The following C9orf50 variants were observed in gnomAD, a reference collection of about 807,000 sequenced individuals.
C9orf50 encodes uncharacterized protein C9orf50.
Under a neutral mutation model 42.5 loss-of-function variants are expected in C9orf50, and 33 were observed. The ratio of observed to expected loss-of-function variants is 0.78; its 90% confidence interval spans 0.59 to 1.04. The LOEUF is 1.04. Ranked by LOEUF, C9orf50 falls within the 50% of genes least tolerant of loss-of-function variation. The pLI is 0.00. For missense variants in C9orf50, 547 were observed against 594.3 expected, an observed-to-expected ratio of 0.92 and a Z score of 0.83; for synonymous variants, 257 against 273.4, an observed-to-expected ratio of 0.94 and a Z score of 0.59.
In C9orf50 at chr9:129,620,013, CA is replaced by C; in HGVS notation, c.508+53del. ...TGGTGGGTGCGGGGACACAAGGGAC[CA>C]CCCCCCACCGGAAATGACTCGGGCC... On this transcript the variant is annotated intron_variant, in intron 1 of 6. Coordinates refer to ENST00000372478, the Ensembl canonical transcript of C9orf50. The surrounding 1 kb of genome is among the most constrained non-coding windows in gnomAD (Gnocchi z 5.8). 1 of 1,458,782 alleles carries C rather than the reference CA, an allele frequency of 6.9e-7. No individual in the cohort carries two copies. Among genetic ancestry groups the C allele is most frequent in the Admixed American group, 2.6e-5 (1 of 38,594 alleles). 90.4% of individuals were successfully genotyped at this position (1,458,782 alleles called of 1,614,324 possible). A position where few individuals can be genotyped will look rare whatever the true frequency, so the allele number is the denominator to read the frequency against.
chr9:129,619,461 A>G, intron 3 of C9orf50, 59 bp downstream of exon 3: 3 of 1,214,514 alleles, frequency 2.5e-6, no homozygotes, highest in East Asian at 2.3e-5. Context: ...GAGGAAAGAA[A>G]GAAGGAAAGA....
Position 129,613,574 on chromosome 9 carries a change from G to T in C9orf50, c.904C>A (p.Gln302Lys). 6.2e-7 allele frequency: 1 copy of T among 1,614,136 alleles called. No individual in the cohort carries two copies. Among genetic ancestry groups the T allele is most frequent in the Non-Finnish European group, 8.5e-7 (1 of 1,180,010 alleles). ...GACGCCACTGGCAGGGCGGCCTTCT[G>T]GTTCACAATGACGCTCTGTTGGACT... is the stretch of plus-strand genomic sequence containing the variant. Residue 302 changes from glutamine (Q) to lysine (K), a missense_variant, in exon 5 of 7, where the codon CAG becomes AAG. Physicochemically the swap from Gln to Lys is moderately conservative, Grantham distance 53. Transcript: ENST00000372478. The surrounding 1 kb of genome is among the most constrained non-coding windows in gnomAD (Gnocchi z 6.2).
At chr9:129,615,738 C>T in intron 3 of C9orf50, 91 bp from the exon 4 acceptor site, 1 of 1,373,816 alleles carries the variant, frequency 7.3e-7, no homozygotes, top group Non-Finnish European at 9.6e-7. Flanking sequence ...AGATCCTGGA[C>T]AAGTGCCCTA....
chr9:129,618,474 A>G (rs1448633573), intron 3 of C9orf50, among the ~76,000 whole-genome samples: 1 of 152,122 alleles, frequency 6.6e-6, no homozygotes, highest in Non-Finnish European at 1.5e-5. Flanking sequence ...GGGTCTGAAT[A>G]GAACTGAACT....
Position 129,613,342 on chromosome 9 carries a change from C to G in C9orf50, c.1044-91G>C, listed in dbSNP as rs555626272. The G allele has an allele frequency of 3.8e-6, 6 of 1,568,236 alleles. No individual in the cohort carries two copies. The East Asian group carries it at 1.1e-4, about 29-fold the overall frequency. Reference sequence around the variant, plus strand: ...GGCCCTTGAGGACCCACACTGGCAACCCGCCTGCTGCTGGGTGGGGAGGTC... The same window carrying G: ...GGCCCTTGAGGACCCACACTGGCAAGCCGCCTGCTGCTGGGTGGGGAGGTC... On this transcript the variant is annotated intron_variant, in intron 5 of 6. Coordinates refer to ENST00000372478, the Ensembl canonical transcript of C9orf50. This position sits in a 1 kb window ranked among gnomAD's most constrained non-coding sequence, Gnocchi z 6.2.
At chr9:129,615,497 C>G in exon 4 of C9orf50, 1 of 1,599,218 alleles carries the variant, frequency 6.3e-7, no homozygotes. Flanking sequence ...AGCGTCTGCG[C>G]TCCCAGTAGC....
Position 129,614,998 on chromosome 9 carries a change from G to A in C9orf50, c.880+486C>T, listed in dbSNP as rs1830283579. Among the ~76,000 whole-genome samples, 1 of 152,210 alleles carries A rather than the reference G, an allele frequency of 6.6e-6. No individual in the cohort carries two copies. Among genetic ancestry groups the A allele is most frequent in the Non-Finnish European group, 1.5e-5 (1 of 68,028 alleles). On this transcript the variant is annotated intron_variant, in intron 4 of 6. Transcript: ENST00000372478. The surrounding 1 kb of genome is among the most constrained non-coding windows in gnomAD (Gnocchi z 4.4). ...GCTCTTAGCTTCCTTGCTGGACCTG[G>A]CAGTGCCAACTGTCTCCAGGAGAGA...
In C9orf50 at chr9:129,620,061, C is replaced by G. The variant is rs111423646; in HGVS notation, c.508+6G>C. On this transcript the variant is annotated splice_donor_region_variant and intron_variant, in intron 1 of 6. Coordinates refer to ENST00000372478, the Ensembl canonical transcript of C9orf50. The surrounding 1 kb of genome is among the most constrained non-coding windows in gnomAD (Gnocchi z 5.8). The stretch of plus-strand genomic sequence containing the variant: ...GGCCCGCCCCCCGGGCCCCGCGGGG[C>G]CTCACTCAGTGGCTCCGGCTCCTCG... 27 of 1,453,824 alleles carry G rather than the reference C, an allele frequency of 1.9e-5. 1 individual carries two copies. In the African/African-American group the frequency reaches 3.1e-4, roughly 17 times the overall value. The allele number at this position is 1,453,824 out of a possible 1,614,324, so 90.1% of individuals were successfully genotyped here. A position where few individuals can be genotyped will look rare whatever the true frequency, so the allele number is the denominator to read the frequency against.
At chr9:129,615,272 A>G (rs1324223491) in intron 4 of C9orf50, among the ~76,000 whole-genome samples, 1 of 152,060 alleles carries the variant, frequency 6.6e-6, no homozygotes, top group African/African-American at 2.4e-5. Flanking sequence ...GCGTTGGAAC[A>G]CCTCCACTGG....
intron 6 of C9orf50, 58 bp from the exon 7 acceptor site, chr9:129,612,512 G>T: frequency 1.5e-6 from 2 of 1,350,062 alleles, no homozygotes; most frequent in Non-Finnish European, 2.1e-6. Flanking sequence ...AGGGGACTGG[G>T]CTCCCAGTGG....
upstream of C9orf50, among the ~76,000 whole-genome samples, chr9:129,621,806 C>T (rs1007435846): frequency 6.6e-6 from 1 of 152,168 alleles, no homozygotes; most frequent in Non-Finnish European, 1.5e-5. Flanking sequence ...TCTGAGCTGA[C>T]TCCTGGGCAG....
chr9:129,615,833 G>A (rs370072871), intron 3 of C9orf50, among the ~76,000 whole-genome samples, 186 bp from the exon 4 acceptor site: 3 of 152,334 alleles, frequency 2.0e-5, no homozygotes, highest in East Asian at 1.9e-4. Context: ...GCTCAAGCAC[G>A]CACATACACC....
chr9:129,615,639 T>G, exon 4 of C9orf50: 2 of 1,560,012 alleles, frequency 1.3e-6, no homozygotes, highest in Non-Finnish European at 1.7e-6. Flanking sequence ...CTGTGCACCG[T>G]GGGGCCTGCT....
Position 129,620,243 on chromosome 9 carries a change from G to A in C9orf50, c.332C>T (p.Ser111Phe). 1 of 1,341,810 alleles carries A rather than the reference G, an allele frequency of 7.5e-7. No homozygotes were observed. Among genetic ancestry groups the A allele is most frequent in the Non-Finnish European group, 9.6e-7 (1 of 1,040,604 alleles). The allele number at this position is 1,341,810 out of a possible 1,614,324, so 83.1% of individuals were successfully genotyped here. A position where few individuals can be genotyped will look rare whatever the true frequency, so the allele number is the denominator to read the frequency against. Reference sequence around the variant, plus strand: ...TGGCTGCCTGGGCGCCGATTCCCGGGACGCGCCGGCCGACAGCAGGGGAGG... The same window carrying A: ...TGGCTGCCTGGGCGCCGATTCCCGGAACGCGCCGGCCGACAGCAGGGGAGG... The change falls in exon 1 of 7, where the codon TCC (serine) becomes TTC (phenylalanine). Residue 111 changes from serine to phenylalanine, a missense_variant. Ser to Phe is a radical substitution (Grantham distance 155, BLOSUM62 -2). This residue lies in a region of C9orf50 where 108 missense variants were observed against 172.1 expected (regional missense o/e 0.63). Transcript: ENST00000372478. The surrounding 1 kb of genome is among the most constrained non-coding windows in gnomAD (Gnocchi z 5.8).
At chr9:129,618,391 G>A (rs1251113070) in intron 3 of C9orf50, among the ~76,000 whole-genome samples, 1 of 152,214 alleles carries the variant, frequency 6.6e-6, no homozygotes, top group Admixed American at 6.5e-5. Flanking sequence ...AAATGATGGT[G>A]GGATGGGTAA....
At position 129,614,850 on chromosome 9, in the gene C9orf50, C is replaced by T. The variant is rs1246649252; in HGVS notation, c.880+634G>A. Among the ~76,000 whole-genome samples the T allele has an allele frequency of 2.0e-5, 3 of 151,854 alleles. No homozygotes were observed. Among genetic ancestry groups the T allele is most frequent in the Non-Finnish European group, 2.9e-5 (2 of 67,986 alleles). ...CCGGGAGGTGGAGCTTGCAGCGAGC[C>T]GAGATCGCGCCACTGCACTCCAGCC... On this transcript the variant is annotated intron_variant, in intron 4 of 6. Coordinates refer to ENST00000372478, the Ensembl canonical transcript of C9orf50. The surrounding 1 kb of genome is among the most constrained non-coding windows in gnomAD (Gnocchi z 4.4).
At position 129,613,005 on chromosome 9, in the gene C9orf50, A is replaced by C; in HGVS notation, c.1188+102T>G. On this transcript the variant is annotated intron_variant, in intron 6 of 6. Transcript: ENST00000372478. The surrounding 1 kb of genome is among the most constrained non-coding windows in gnomAD (Gnocchi z 6.2). ...GTGACTTGGCTCTCAGGGAGGGTCC[A>C]CTCCCAGCCCCAGCCACTCCACCAA... The C allele has an allele frequency of 6.8e-7, 1 of 1,480,808 alleles. No individual in the cohort carries two copies. The highest frequency in any genetic ancestry group is 9.2e-7 in the Non-Finnish European group (1 of 1,092,138). 91.7% of individuals were successfully genotyped at this position (1,480,808 alleles called of 1,614,324 possible). A position where few individuals can be genotyped will look rare whatever the true frequency, so the allele number is the denominator to read the frequency against.
rs1830276595 is a variant in C9orf50 at position 129,614,892 on chromosome 9, A to G, written c.880+592T>C. 6.6e-6 allele frequency among the ~76,000 whole-genome samples: 1 copy of G among 151,428 alleles called. No individual in the cohort carries two copies. ...ACTCCAGCCTGGGCGACAGAGTGAG[A>G]CTCCGTATCAGAAAAAAAAAAAGAA... On this transcript the variant is annotated intron_variant, in intron 4 of 6. Transcript: ENST00000372478. The surrounding 1 kb of genome is among the most constrained non-coding windows in gnomAD (Gnocchi z 4.4).
upstream of C9orf50, among the ~76,000 whole-genome samples, chr9:129,621,850 G>T (rs1358489323): frequency 2.0e-5 from 3 of 152,132 alleles, no homozygotes; most frequent in Non-Finnish European, 2.9e-5. Flanking sequence ...TCTGGGTGGG[G>T]CCCTAGAAGG....
Sources: gnomAD v4.1 joint callset for allele counts (sites outside exome capture counted in the v4.1 genomes callset) on GRCh38, gnomAD v4.1.1 for gene constraint, gnomAD v4.1.1 regional missense constraint, Gnocchi (gnomAD v3.1) non-coding constraint, MANE v1.5 for transcripts, NCBI Gene and HGNC (gene_info 2026-07-23, HGNC 2026-07-21) for gene names.